The following PCDHA11 variants were observed in gnomAD, a reference collection of about 807,000 sequenced individuals.
PCDHA11 encodes the protein protocadherin alpha-11.
PCDHA11 carries 61 observed loss-of-function variants against 70.3 expected under a neutral mutation model. The observed-to-expected ratio is 0.87, with a 90% CI of 0.71 to 1.07. The LOEUF (loss-of-function observed/expected upper bound fraction) is 1.07. PCDHA11 is among the 50% of genes least tolerant of loss of function. The pLI is 0.00. For missense variants in PCDHA11, 1,324 were observed against 1,237.5 expected (o/e 1.07, Z -1.05); for synonymous variants, 633 against 555.1 (o/e 1.14, Z -1.97).
At chr5:140,993,218 T>C (rs534348907) in intron 3 of PCDHA11, among the ~76,000 whole-genome samples, 1 of 152,330 alleles carries the variant, frequency 6.6e-6, no homozygotes, top group East Asian at 1.9e-4. Flanking sequence ...TTTAGCTTTT[T>C]GGTATGTTCT....
intron 1 of PCDHA11, among the ~76,000 whole-genome samples, chr5:140,964,317 G>A (rs1042787994): frequency 2.0e-5 from 3 of 152,218 alleles, no homozygotes; most frequent in Non-Finnish European, 4.4e-5. Context: ...GCCTAAAACA[G>A]CATAATGGAC....
intron 2 of PCDHA11, among the ~76,000 whole-genome samples, chr5:140,980,402 T>G (rs1019891422): frequency 2.0e-5 from 3 of 152,020 alleles, no homozygotes; most frequent in African/African-American, 7.2e-5. Context: ...GAGGCCGAGG[T>G]GGGCAGATCA....
At chr5:140,893,219 G>T (rs1273209081) in intron 1 of PCDHA11, among the ~76,000 whole-genome samples, 1 of 152,194 alleles carries the variant, frequency 6.6e-6, no homozygotes. Context: ...GGAGGTGCAG[G>T]TATCACTTTG....
chr5:140,871,086 G>A lies in PCDHA11; in HGVS notation c.1983G>A (p.Thr661=), dbSNP rs556097993. 6.6e-5 allele frequency: 106 copies of A among 1,613,256 alleles called. No homozygotes were observed. The highest frequency in any genetic ancestry group is 1.6e-4 in the Middle Eastern group (1 of 6,062). ...KDHGEPALTA[T]ATVLVSLVES... is the part of the protein sequence containing the mutation. ...ACGGTGAGCCGGCGCTGACGGCCACGGCCACCGTGCTGGTGTCGTTGGTGG... is the reference window on the plus strand; with the variant it reads ...ACGGTGAGCCGGCGCTGACGGCCACAGCCACCGTGCTGGTGTCGTTGGTGG... The change falls in exon 1 of 4, where the codon ACG becomes ACA. Residue 661 remains threonine (T), a synonymous_variant. Transcript: ENST00000398640.
Position 140,988,156 on chromosome 5 carries a change from C to T in PCDHA11, c.2539+5593C>T, listed in dbSNP as rs546335543. Among the ~76,000 whole-genome samples, 7 of 152,172 alleles carry T rather than the reference C, an allele frequency of 4.6e-5. No individual in the cohort carries two copies. The South Asian group carries it at 1.5e-3, about 32-fold the overall frequency. On this transcript the variant is annotated intron_variant, in intron 3 of 3. Coordinates refer to ENST00000398640, the MANE Select transcript of PCDHA11 (RefSeq NM_018902.5). ...TAACCTGTTCAACCTCAACTTCTGCCGTTGTCATAGCAATGACAGTCCTGG... is the reference window on the plus strand; with the variant it reads ...TAACCTGTTCAACCTCAACTTCTGCTGTTGTCATAGCAATGACAGTCCTGG...
chr5:140,886,927 G>T (rs1191029252), intron 1 of PCDHA11, among the ~76,000 whole-genome samples: 1 of 151,236 alleles, frequency 6.6e-6, no homozygotes, highest in Non-Finnish European at 1.5e-5. Flanking sequence ...TTCTCTATGT[G>T]CCAGGCATGT....
intron 1 of PCDHA11, among the ~76,000 whole-genome samples, chr5:140,889,878 A>G (rs1456816812): frequency 6.6e-6 from 1 of 152,178 alleles, no homozygotes; most frequent in African/African-American, 2.4e-5. Flanking sequence ...GCCTGCCACC[A>G]TGTAAGAATT....
intron 3 of PCDHA11, among the ~76,000 whole-genome samples, chr5:141,000,931 T>G (rs1422337935): frequency 1.3e-5 from 2 of 152,188 alleles, no homozygotes; most frequent in African/African-American, 4.8e-5. Flanking sequence ...CCTGTGTGAT[T>G]TAGGACAAAT....
rs77488964 is a variant in PCDHA11, at chr5:140,929,006, C to T, written c.2392-49943C>T. The T allele has an allele frequency of 3.2e-3, 5,179 of 1,614,048 alleles. 25 individuals carry two copies. Among genetic ancestry groups the T allele is most frequent in the African/African-American group, 0.019 (1,447 of 75,028 alleles). ...GGGTGCTTACTTTTCTTCGTGTGTA[C>T]CAAGTTGCACCAGAGCCCAGGCTGT... is the stretch of plus-strand genomic sequence containing the variant. On this transcript the variant is annotated intron_variant, in intron 1 of 3. Coordinates refer to ENST00000398640, the MANE Select transcript of PCDHA11 (RefSeq NM_018902.5).
At chr5:140,930,184 G>A (rs2153603505) in intron 1 of PCDHA11, 1 of 152,258 alleles carries the variant, frequency 6.6e-6, no homozygotes, top group South Asian at 2.1e-4. Context: ...GGAAAGATGA[G>A]TAATTTTTAT....
chr5:140,960,111 A>G (rs1554224465), intron 1 of PCDHA11, among the ~76,000 whole-genome samples: 1 of 152,256 alleles, frequency 6.6e-6, no homozygotes, highest in African/African-American at 2.4e-5. Flanking sequence ...TGTGGGAACA[A>G]TAGTATTCCT....
intron 1 of PCDHA11, among the ~76,000 whole-genome samples, chr5:140,971,186 G>T (rs1052745272): frequency 1.8e-4 from 28 of 152,258 alleles, no homozygotes; most frequent in African/African-American, 6.7e-4. Context: ...TAAGCCGGAA[G>T]CTCAGAGGAA....
At chr5:140,967,135 G>A in intron 1 of PCDHA11, 1 of 1,611,752 alleles carries the variant, frequency 6.2e-7, no homozygotes, top group South Asian at 1.1e-5. Context: ...GCTTGGAAGT[G>A]CTGGCGCACA....
intron 1 of PCDHA11, among the ~76,000 whole-genome samples, chr5:140,949,916 A>G (rs1350647225): frequency 6.6e-6 from 1 of 150,834 alleles, no homozygotes; most frequent in African/African-American, 2.4e-5. Flanking sequence ...AGATATAACT[A>G]TTTTTAGATT....
At chr5:140,953,948 C>T (rs1012464637) in intron 1 of PCDHA11, among the ~76,000 whole-genome samples, 1 of 152,092 alleles carries the variant, frequency 6.6e-6, no homozygotes, top group Non-Finnish European at 1.5e-5. Flanking sequence ...CATTGCTCCC[C>T]CAACAGGCCC....
rs147440301 is a variant in PCDHA11, at chr5:140,924,523, G to A, written c.2391+53029G>A. On this transcript the variant is annotated intron_variant, in intron 1 of 3. Transcript: ENST00000398640. ...AATCCCACTCTTAGTGTTAAAAAGA[G>A]AATGCCCGAGCTACCCCTCTCCCCA... is the stretch of plus-strand genomic sequence containing the variant. Among the ~76,000 whole-genome samples, 1,224 of 152,202 alleles carry A rather than the reference G, an allele frequency of 8.0e-3. 6 individuals carry two copies. The highest frequency in any genetic ancestry group is 0.019 in the African/African-American group (791 of 41,530).
chr5:141,004,094 G>C (rs962663466), intron 3 of PCDHA11, among the ~76,000 whole-genome samples: 1 of 152,194 alleles, frequency 6.6e-6, no homozygotes, highest in African/African-American at 2.4e-5. Flanking sequence ...TGCTTCTTCC[G>C]TTTTCATCTT....
At chr5:140,978,713 A>G (rs2096819329) in intron 1 of PCDHA11, among the ~76,000 whole-genome samples, 1 of 152,272 alleles carries the variant, frequency 6.6e-6, no homozygotes, top group Admixed American at 6.5e-5. Flanking sequence ...GGCCTTTACA[A>G]GATTATTAAA....
chr5:140,928,485 C>T, intron 1 of PCDHA11: 2 of 1,614,136 alleles, frequency 1.2e-6, no homozygotes, highest in Non-Finnish European at 1.7e-6. Context: ...GGGATGGTGG[C>T]ATTCCTCCCA....
Sources: allele counts gnomAD v4.1 joint callset (sites outside exome capture counted in the v4.1 genomes callset), GRCh38; gene constraint gnomAD v4.1.1; transcripts MANE v1.5; gene names NCBI Gene and HGNC (gene_info 2026-07-23, HGNC 2026-07-21).